The following SHANK2 variants were observed in gnomAD, a reference collection of about 807,000 sequenced individuals.
SHANK2 encodes SH3 and multiple ankyrin repeat domains protein 2.
Under a neutral mutation model 133.7 loss-of-function variants are expected in SHANK2, and 43 were observed. The observed-to-expected ratio is 0.32, with a 90% CI of 0.25 to 0.41. The LOEUF (loss-of-function observed/expected upper bound fraction) is 0.41. SHANK2 is among the 10% of genes least tolerant of loss of function. The pLI is 1.00. For missense variants in SHANK2, 1,994 were observed against 2,235.8 expected (o/e 0.89, Z 2.18); for synonymous variants, 1,017 against 952.8 (o/e 1.07, Z -1.24).
At chr11:70,677,818 C>T (rs1180954244) in intron 15 of SHANK2, among the ~76,000 whole-genome samples, 4 of 152,204 alleles carry the variant, frequency 2.6e-5, no homozygotes, top group Non-Finnish European at 5.9e-5. Flanking sequence ...CCTTGCGTAC[C>T]CATTTCCCAG....
At chr11:70,651,006 A>T (rs1196864048) in intron 17 of SHANK2, among the ~76,000 whole-genome samples, 3 of 152,218 alleles carry the variant, frequency 2.0e-5, no homozygotes, top group Non-Finnish European at 4.4e-5. Flanking sequence ...TGCTTCACAC[A>T]CACTTTTATT....
intron 9 of SHANK2, among the ~76,000 whole-genome samples, chr11:71,067,859 G>A (rs995858844): frequency 9.4e-5 from 14 of 149,680 alleles, no homozygotes; most frequent in African/African-American, 3.4e-4. Flanking sequence ...TATGACCACT[G>A]TCACCATCAC....
chr11:70,837,145 C>A lies in SHANK2; in HGVS notation c.1175-16463G>T, dbSNP rs142415066. On this transcript the variant is annotated intron_variant, in intron 11 of 25. Coordinates refer to ENST00000601538, the MANE Select transcript of SHANK2 (RefSeq NM_012309.5). ...AAAATGTTTCTGTCGCTTAAGCCAC[C>A]AGTCTATGGTATTTTTTGTTAAAGT... 5.2e-4 allele frequency among the ~76,000 whole-genome samples: 79 copies of A among 152,324 alleles called. 1 individual carries two copies. Among genetic ancestry groups the A allele is most frequent in the Middle Eastern group, 3.4e-3 (1 of 294 alleles).
At chr11:70,665,584 G>A (rs562458) in intron 15 of SHANK2, among the ~76,000 whole-genome samples, 1,558 of 152,190 alleles carry the variant, frequency 0.01, 27 homozygotes, top group African/African-American at 0.036. Context: ...TTCTCTTTCC[G>A]GCATTGTTTC....
chr11:70,602,901 T>G (rs547674244), intron 17 of SHANK2, among the ~76,000 whole-genome samples: 13 of 152,334 alleles, frequency 8.5e-5, no homozygotes, highest in African/African-American at 2.9e-4. Flanking sequence ...GTCTATCATA[T>G]GATAGAGTCC....
intron 11 of SHANK2, among the ~76,000 whole-genome samples, chr11:70,839,690 G>A (rs1948873949): frequency 2.0e-5 from 3 of 152,186 alleles, no homozygotes; most frequent in African/African-American, 7.2e-5. Flanking sequence ...TTGAAGGGGA[G>A]GTCCCTTTTT....
intron 2 of SHANK2, among the ~76,000 whole-genome samples, chr11:71,164,419 C>A (rs1555110420): frequency 6.6e-6 from 1 of 152,204 alleles, no homozygotes; most frequent in African/African-American, 2.4e-5. Context: ...CAGCTCCAGA[C>A]CCAACACCAG....
Position 71,210,250 on chromosome 11 carries a change from A to ATATATATT in SHANK2, c.-13+14446_-13+14447insAATATATA, listed in dbSNP as rs1353494730. Among the ~76,000 whole-genome samples the ATATATATT allele has an allele frequency of 3.3e-3, 284 of 85,272 alleles. 5 individuals carry two copies. Among genetic ancestry groups the ATATATATT allele is most frequent in the Non-Finnish European group, 4.6e-3 (218 of 47,738 alleles). 55.9% of individuals were successfully genotyped at this position (85,272 alleles called of 152,430 possible). On this transcript the variant is annotated intron_variant, in intron 2 of 25. Transcript: ENST00000601538. ...TATATATATATATATATATATATATATATTTATTTATTTTTTGAAACAGAG... is the reference window on the plus strand; with the variant it reads ...TATATATATATATATATATATATATATATATATTTATTTATTTATTTTTTGAAACAGAG...
chr11:71,201,371 TGCTGCCCACC>T (rs1299757372), intron 2 of SHANK2, among the ~76,000 whole-genome samples: 2 of 152,336 alleles, frequency 1.3e-5, no homozygotes, highest in East Asian at 3.9e-4. Flanking sequence ...AGGAGAGCTG[TGCTGCCCACC>T]GCTGCCCGCC....
At chr11:70,682,327 A>G (rs1333683298) in intron 15 of SHANK2, among the ~76,000 whole-genome samples, 1 of 152,242 alleles carries the variant, frequency 6.6e-6, no homozygotes, top group Non-Finnish European at 1.5e-5. Flanking sequence ...GTGCAGAAAC[A>G]AACTGCAGGA....
At chr11:71,086,401 ATTAT>A (rs1951416966) in intron 8 of SHANK2, among the ~76,000 whole-genome samples, 1 of 131,234 alleles carries the variant, frequency 7.6e-6, no homozygotes, top group African/African-American at 2.9e-5. Context: ...TATATGATAT[ATTAT>A]TTATAATATA....
At chr11:70,849,617 T>C (rs1338415869) in intron 11 of SHANK2, among the ~76,000 whole-genome samples, 1 of 152,180 alleles carries the variant, frequency 6.6e-6, no homozygotes, top group Non-Finnish European at 1.5e-5. Context: ...AACACCCTAA[T>C]ATACATGTTA....
At chr11:70,911,537 G>GC (rs1950191927) in intron 10 of SHANK2, among the ~76,000 whole-genome samples, 1 of 152,008 alleles carries the variant, frequency 6.6e-6, no homozygotes, top group African/African-American at 2.4e-5. Context: ...AACTTTATTT[G>GC]CCCCCCAACT....
intron 15 of SHANK2, among the ~76,000 whole-genome samples, chr11:70,670,874 G>T (rs1944786824): frequency 1.3e-5 from 2 of 152,186 alleles, no homozygotes; most frequent in South Asian, 4.1e-4. Flanking sequence ...CCCACAGGCA[G>T]GGGGCTGCGT....
At chr11:70,868,027 G>C (rs565600852) in intron 11 of SHANK2, among the ~76,000 whole-genome samples, 1 of 152,252 alleles carries the variant, frequency 6.6e-6, no homozygotes, top group African/African-American at 2.4e-5. Flanking sequence ...GGGTCCACCC[G>C]TGCTGATTAT....
intron 15 of SHANK2, among the ~76,000 whole-genome samples, chr11:70,693,256 C>T (rs573085741): frequency 1.8e-4 from 28 of 152,290 alleles, no homozygotes; most frequent in East Asian, 3.9e-4. Context: ...TTCTGCCTAA[C>T]GCCCTCCAAT....
chr11:70,655,020 T>G (rs2061389028), intron 17 of SHANK2, among the ~76,000 whole-genome samples: 1 of 152,154 alleles, frequency 6.6e-6, no homozygotes, highest in South Asian at 2.1e-4. Flanking sequence ...CCACCCGTCT[T>G]GGCCTCCCAA....
chr11:70,494,382 C>T (rs933022882), intron 21 of SHANK2, among the ~76,000 whole-genome samples: 3 of 152,192 alleles, frequency 2.0e-5, no homozygotes, highest in African/African-American at 7.2e-5. Context: ...CAACCTCCAC[C>T]TCCTGGGTTC....
chr11:71,251,631 T>C (rs1948182738), intron 1 of SHANK2, among the ~76,000 whole-genome samples: 2 of 151,264 alleles, frequency 1.3e-5, no homozygotes, highest in Admixed American at 6.6e-5. Context: ...CGGTGCCAGC[T>C]TCCTGCATAA....
Sources: allele counts gnomAD v4.1 joint callset (sites outside exome capture counted in the v4.1 genomes callset), GRCh38; gene constraint gnomAD v4.1.1; transcripts MANE v1.5; gene names NCBI Gene and HGNC (gene_info 2026-07-23, HGNC 2026-07-21).